TTC28: variants seen among roughly 807,000 people sequenced by gnomAD.
TTC28 encodes the protein tetratricopeptide repeat protein 28.
Under a neutral mutation model 198.0 loss-of-function variants are expected in TTC28, and 61 were observed. The ratio of observed to expected loss-of-function variants is 0.31; its 90% CI spans 0.25 to 0.38. TTC28 has a LOEUF of 0.38. Among genes scored for constraint, TTC28 ranks in the 10% least tolerant of loss-of-function variants. TTC28 has a pLI of 1.00. For missense variants in TTC28, 2,678 were observed against 3,164.0 expected, an observed-to-expected ratio of 0.85 and a Z score of 3.69; for synonymous variants, 1,171 against 1,297.8, an observed-to-expected ratio of 0.90 and a Z score of 2.10.
intron 12 of TTC28, among the ~76,000 whole-genome samples, chr22:28,088,652 A>T (rs1228402925): frequency 6.6e-6 from 1 of 152,224 alleles, no homozygotes; most frequent in Non-Finnish European, 1.5e-5. Flanking sequence ...CAAACGCCAA[A>T]ATTGACAAAT....
intron 6 of TTC28, among the ~76,000 whole-genome samples, chr22:28,115,991 T>A (rs1470273089): frequency 6.6e-6 from 1 of 152,234 alleles, no homozygotes; most frequent in Non-Finnish European, 1.5e-5. Context: ...AAATGTAGTA[T>A]TTTTGTAGAG....
intron 5 of TTC28, among the ~76,000 whole-genome samples, chr22:28,221,395 A>G (rs1927850677): frequency 6.6e-6 from 1 of 152,230 alleles, no homozygotes; most frequent in South Asian, 2.1e-4. Flanking sequence ...ACCCAGGGTT[A>G]CCTTTGCTCC....
chr22:28,409,059 C>T (rs759816259), intron 2 of TTC28, among the ~76,000 whole-genome samples: 2 of 152,222 alleles, frequency 1.3e-5, no homozygotes, highest in African/African-American at 2.4e-5. Context: ...TCCTTGTCCT[C>T]CTTGTAATGT....
intron 2 of TTC28, among the ~76,000 whole-genome samples, chr22:28,365,329 G>T (rs2046230057): frequency 6.6e-6 from 1 of 152,096 alleles, no homozygotes; most frequent in South Asian, 2.1e-4. Flanking sequence ...TTCATGACTT[G>T]CTTTATTGCA....
At position 27,982,738 on chromosome 22, in the gene TTC28, G is replaced by C. The variant is rs1937065489; in HGVS notation, c.6929C>G (p.Ser2310Cys). The C allele has an allele frequency of 1.3e-6, 2 of 1,551,560 alleles. No individual in the cohort carries two copies. The highest frequency in any genetic ancestry group is 4.9e-5 in the East Asian group (2 of 40,880). The change falls in exon 23 of 23, where the codon TCC (serine) becomes TGC (cysteine). Residue 2310 changes from serine to cysteine, a missense_variant. Coordinates refer to ENST00000397906, the MANE Select transcript of TTC28 (RefSeq NM_001145418.2). This position sits in a 1 kb window ranked among gnomAD's most constrained non-coding sequence, Gnocchi z 5.2. ...SKSPRNMSPS[S>C]GHQSPAGSAP... ...ACTGCCAGCAGGAGACTGGTGGCCG[G>C]AGCTTGGGGACATGTTCCTTGGTGA...
chr22:28,228,121 A>T (rs1003071426), intron 5 of TTC28, among the ~76,000 whole-genome samples: 3 of 152,166 alleles, frequency 2.0e-5, no homozygotes, highest in African/African-American at 7.2e-5. Context: ...AAAAGGATGC[A>T]TACTGTGTGA....
At chr22:28,489,193 A>G (rs543420888) in intron 2 of TTC28, among the ~76,000 whole-genome samples, 1 of 152,188 alleles carries the variant, frequency 6.6e-6, no homozygotes, top group Admixed American at 6.5e-5. Flanking sequence ...CTGAGGCAAG[A>G]GGATCACTTG....
intron 12 of TTC28, among the ~76,000 whole-genome samples, chr22:28,063,439 C>T (rs567806956): frequency 3.9e-5 from 6 of 152,296 alleles, no homozygotes; most frequent in Non-Finnish European, 8.8e-5. Context: ...CCATTCCTTT[C>T]TTCCATGTTT....
At chr22:28,040,535 GC>G (rs1409441007) in intron 12 of TTC28, among the ~76,000 whole-genome samples, 10 of 152,108 alleles carry the variant, frequency 6.6e-5, no homozygotes, top group Non-Finnish European at 1.2e-4. Flanking sequence ...AAATTCAACA[GC>G]CCTTCATGCT....
At chr22:28,147,669 T>C (rs1943500689) in intron 6 of TTC28, among the ~76,000 whole-genome samples, 1 of 152,226 alleles carries the variant, frequency 6.6e-6, no homozygotes, top group Non-Finnish European at 1.5e-5. Context: ...CTTTGGGTTT[T>C]TGATTTCTAA....
chr22:28,285,086 C>T (rs1264307893), intron 5 of TTC28, among the ~76,000 whole-genome samples: 1 of 152,178 alleles, frequency 6.6e-6, no homozygotes, highest in African/African-American at 2.4e-5. Flanking sequence ...ATGGAAACAA[C>T]CTAAGTGTCA....
chr22:28,247,284 C>T (rs986648053), intron 5 of TTC28, among the ~76,000 whole-genome samples: 1 of 152,124 alleles, frequency 6.6e-6, no homozygotes, highest in Non-Finnish European at 1.5e-5. Flanking sequence ...AGTCACACTG[C>T]CAGCCAGCTC....
At chr22:28,124,187 TTGTTG>T (rs1384343087) in intron 6 of TTC28, among the ~76,000 whole-genome samples, 6 of 150,622 alleles carry the variant, frequency 4.0e-5, no homozygotes, top group African/African-American at 1.5e-4. Flanking sequence ...GTTGTTGTTG[TTGTTG>T]TTGTTGTTTG....
intron 6 of TTC28, among the ~76,000 whole-genome samples, chr22:28,127,894 A>AAT (rs1942955871): frequency 7.3e-6 from 1 of 137,652 alleles, no homozygotes; most frequent in Non-Finnish European, 1.6e-5. Context: ...TGCCTGGCTA[A>AAT]TTTTTTTTTT....
Position 27,981,214 on chromosome 22 carries a change from C to CTAGT in TTC28, c.*1003_*1006dup, listed in dbSNP as rs1272600102. ...CTGGAAGGCGGGATTCTGGTTAAAT[C>CTAGT]TAGTTAGCCATGGAAATTTTTTTTT... On this transcript the variant is annotated 3_prime_UTR_variant, in exon 23 of 23. Transcript: ENST00000397906. The CTAGT allele has an allele frequency of 4.0e-5, 4 of 99,486 alleles. No individual in the cohort carries two copies. Among genetic ancestry groups the CTAGT allele is most frequent in the East Asian group, 3.5e-4 (1 of 2,862 alleles). The allele number at this position is 99,486 out of a possible 1,614,324, so 6.2% of individuals were successfully genotyped here.
chr22:28,119,648 G>A (rs1324484827), intron 6 of TTC28, among the ~76,000 whole-genome samples: 2 of 152,326 alleles, frequency 1.3e-5, no homozygotes, highest in South Asian at 4.1e-4. Context: ...TGTGGGTGGG[G>A]CCAGGGATAC....
At chr22:28,567,215 C>T (rs9620807) in intron 2 of TTC28, among the ~76,000 whole-genome samples, 2 of 121,316 alleles carry the variant, frequency 1.6e-5, no homozygotes, top group Non-Finnish European at 3.3e-5. Flanking sequence ...GACTCCATCT[C>T]GGAAAAAAAA....
intron 2 of TTC28, among the ~76,000 whole-genome samples, chr22:28,417,663 A>G (rs2047188746): frequency 6.6e-6 from 1 of 152,194 alleles, no homozygotes; most frequent in African/African-American, 2.4e-5. Flanking sequence ...ATGCACATGC[A>G]TTTTCATTAC....
chr22:28,502,647 C>CAAA (rs369120193), intron 2 of TTC28, among the ~76,000 whole-genome samples: 5 of 142,078 alleles, frequency 3.5e-5, no homozygotes, highest in Admixed American at 1.4e-4. Flanking sequence ...GGCTCCGTCT[C>CAAA]AAAAAAAAAA....
Sources: allele counts gnomAD v4.1 joint callset (sites outside exome capture counted in the v4.1 genomes callset), GRCh38; gene constraint gnomAD v4.1.1; non-coding constraint Gnocchi (gnomAD v3.1); transcripts MANE v1.5; gene names NCBI Gene and HGNC (gene_info 2026-07-23, HGNC 2026-07-21).